Variants in CEP162 observed in about 807,000 individuals in gnomAD.
The protein encoded by CEP162 is centrosomal protein 162.
A neutral mutation model predicts 169.2 loss-of-function variants in CEP162; 141 were observed. That is an observed-to-expected ratio of 0.83 (90% confidence interval 0.73 to 0.96). CEP162 has a LOEUF of 0.96. CEP162 is among the 40% of genes least tolerant of loss of function. The pLI is 0.00. For missense variants in CEP162, 1,600 were observed against 1,587.2 expected, an observed-to-expected ratio of 1.01 and a Z score of -0.14; for synonymous variants, 540 against 526.4, an observed-to-expected ratio of 1.03 and a Z score of -0.35.
chr6:84,182,787 G>A (rs754970830), intron 13 of CEP162, among the ~76,000 whole-genome samples: 3 of 152,106 alleles, frequency 2.0e-5, no homozygotes, highest in Non-Finnish European at 4.4e-5. Context: ...GCCATGAACT[G>A]CCTATCTCTG....
At chr6:84,205,700 G>C (rs964297970) in intron 6 of CEP162, among the ~76,000 whole-genome samples, 1 of 152,000 alleles carries the variant, frequency 6.6e-6, no homozygotes, top group African/African-American at 2.4e-5. Flanking sequence ...ATTCAACATA[G>C]TGTTGGAAGT....
chr6:84,224,381 G>GGGAA (rs1330828729), intron 2 of CEP162, among the ~76,000 whole-genome samples: 1 of 152,142 alleles, frequency 6.6e-6, no homozygotes, highest in African/African-American at 2.4e-5. Flanking sequence ...CCTAAGGCTA[G>GGGAA]GGAAGGGGGA....
intron 6 of CEP162, among the ~76,000 whole-genome samples, chr6:84,211,980 A>G (rs1253334671): frequency 6.6e-6 from 1 of 152,054 alleles, no homozygotes; most frequent in African/African-American, 2.4e-5. Context: ...ATTACCGGAA[A>G]CTTCTCATGA....
chr6:84,207,056 A>T (rs2099547450), intron 6 of CEP162, among the ~76,000 whole-genome samples: 1 of 152,222 alleles, frequency 6.6e-6, no homozygotes, highest in Non-Finnish European at 1.5e-5. Flanking sequence ...GCAATCATTA[A>T]AAAGTCAGGA....
At chr6:84,134,737 C>T (rs6930183) in intron 25 of CEP162, among the ~76,000 whole-genome samples, 1 of 152,152 alleles carries the variant, frequency 6.6e-6, no homozygotes, top group African/African-American at 2.4e-5. Flanking sequence ...GTAGAAATCA[C>T]TTTCCTTCTG....
At chr6:84,211,848 GAATA>G (rs1211290052) in intron 6 of CEP162, among the ~76,000 whole-genome samples, 1 of 131,502 alleles carries the variant, frequency 7.6e-6, no homozygotes, top group Non-Finnish European at 1.6e-5. Context: ...ACTCTGAACA[GAATA>G]AATATAAGAA....
chr6:84,195,019 G>A lies in CEP162; in HGVS notation c.892C>T (p.His298Tyr), dbSNP rs1430173811. The change falls in exon 10 of 27, where the codon CAT becomes TAT. Residue 298 changes from histidine to tyrosine, a missense_variant. His to Tyr is a moderately conservative substitution (Grantham distance 83, BLOSUM62 2). Transcript: ENST00000403245. The stretch of plus-strand genomic sequence containing the variant: ...TCATCTCCCAATGAATGGGCTATAT[G>A]ACAATAAGCTTGATGTAGGGCTTCA... ...DVEALHQAYC[H>Y]IAHSLGDEDK... The A allele has an allele frequency of 3.1e-6, 5 of 1,611,426 alleles. No individual in the cohort carries two copies. Among genetic ancestry groups the A allele is most frequent in the Non-Finnish European group, 4.2e-6 (5 of 1,178,572 alleles).
chr6:84,177,059 C>T (rs529957149), intron 13 of CEP162, among the ~76,000 whole-genome samples: 74 of 152,130 alleles, frequency 4.9e-4, no homozygotes, highest in African/African-American at 1.7e-3. Context: ...CATACTACAT[C>T]TTAGAAGTAC....
At position 84,219,122 on chromosome 6, in the gene CEP162, G is replaced by A. The variant is rs59310410; in HGVS notation, c.172+1935C>T. ...TGGTACCTGTCTTAAGATTAATAAT[G>A]CATTCCTCTTCTCAAGAGGAGTGTT... On this transcript the variant is annotated intron_variant, in intron 3 of 26. Coordinates refer to ENST00000403245, the MANE Select transcript of CEP162 (RefSeq NM_014895.4). 5.8e-4 allele frequency: 697 copies of A among 1,209,056 alleles called. 5 individuals carry two copies. The African/African-American group carries it at 9.8e-3, about 17-fold the overall frequency. 74.9% of individuals were successfully genotyped at this position (1,209,056 alleles called of 1,614,324 possible).
chr6:84,220,933 C>T (rs2099553498), intron 3 of CEP162, 124 bp downstream of exon 3: 2 of 515,500 alleles, frequency 3.9e-6, no homozygotes, highest in East Asian at 3.1e-5. Context: ...TCAATTCAAA[C>T]TTCAAAAATC....
At chr6:84,172,586 C>T (rs892208912) in intron 16 of CEP162, among the ~76,000 whole-genome samples, 23 of 152,030 alleles carry the variant, frequency 1.5e-4, no homozygotes, top group African/African-American at 4.3e-4. Context: ...AGGGGTTGGT[C>T]GGCATACTTA....
intron 21 of CEP162, among the ~76,000 whole-genome samples, chr6:84,156,639 C>T (rs2099523283): frequency 6.6e-6 from 1 of 151,848 alleles, no homozygotes; most frequent in South Asian, 2.1e-4. Flanking sequence ...TTAGTAAAAC[C>T]ATTATGGAAA....
At chr6:84,180,631 A>G (rs2099534395) in intron 13 of CEP162, among the ~76,000 whole-genome samples, 1 of 151,122 alleles carries the variant, frequency 6.6e-6, no homozygotes, top group Admixed American at 6.6e-5. Flanking sequence ...TAAGCTGATA[A>G]GCAACTTCAG....
rs1423983097 is a variant in CEP162 at position 84,175,342 on chromosome 6, A to C, written c.1669T>G (p.Leu557Val). The C allele has an allele frequency of 2.6e-6, 4 of 1,539,344 alleles. No homozygotes were observed. In the African/African-American group the frequency reaches 4.1e-5, roughly 16 times the overall value. Residue 557 changes from leucine (L) to valine (V), a missense_variant, in exon 14 of 27, where the codon TTA (leucine) becomes GTA (valine). Physicochemically the swap from Leu to Val is conservative, Grantham distance 32. Coordinates refer to ENST00000403245, the MANE Select transcript of CEP162 (RefSeq NM_014895.4). ...GGCTTGATGAGTTTTGTTCCAGATA[A>C]GATTTCTAAATATTATAAACAATGT... The part of the protein sequence containing the change: ...TSNQPRKKEI[L>V]SGTKLIKPAA...
chr6:84,205,460 A>G (rs12183489), intron 6 of CEP162, among the ~76,000 whole-genome samples: 33,270 of 152,090 alleles, frequency 0.22, 7,973 homozygotes, highest in African/African-American at 0.6. Context: ...CAGAGCCAAA[A>G]ACAAAAACCA....
At chr6:84,203,043 C>A (rs2099545277) in intron 7 of CEP162, among the ~76,000 whole-genome samples, 1 of 152,004 alleles carries the variant, frequency 6.6e-6, no homozygotes, top group Admixed American at 6.6e-5. Flanking sequence ...CAGATAGAGA[C>A]CAAAATAATA....
At chr6:84,213,714 A>G (rs1409726619) in intron 5 of CEP162, among the ~76,000 whole-genome samples, 1 of 152,248 alleles carries the variant, frequency 6.6e-6, no homozygotes, top group African/African-American at 2.4e-5. Context: ...CCTGTTCTAC[A>G]GCAGAAATAT....
At chr6:84,201,875 T>C (rs763238867) in intron 7 of CEP162, 108 bp from the exon 8 acceptor site, 18 of 591,836 alleles carry the variant, frequency 3.0e-5, no homozygotes, top group Non-Finnish European at 5.1e-5. Flanking sequence ...TTATTCCACA[T>C]TGAAACGATC....
At chr6:84,130,089 G>C (rs1301573440) in intron 25 of CEP162, among the ~76,000 whole-genome samples, 1 of 152,056 alleles carries the variant, frequency 6.6e-6, no homozygotes, top group African/African-American at 2.4e-5. Context: ...GAATTTTGTC[G>C]AAGGCCTCTT....
Sources: allele counts gnomAD v4.1 joint callset (sites outside exome capture counted in the v4.1 genomes callset), GRCh38; gene constraint gnomAD v4.1.1; transcripts MANE v1.5; gene names NCBI Gene and HGNC (gene_info 2026-07-23, HGNC 2026-07-21).